Variants in PCBP2 observed in about 807,000 individuals in gnomAD.
PCBP2 encodes poly(rC)-binding protein 2.
PCBP2 carries 4 observed loss-of-function variants against 50.1 expected under a neutral mutation model. The ratio of observed to expected loss-of-function variants is 0.08; its 90% CI spans 0.04 to 0.18. The LOEUF is 0.18. Among genes scored for constraint, PCBP2 ranks in the 10% least tolerant of loss-of-function variants. The pLI is 1.00. For synonymous variants in PCBP2, 179 were observed against 168.0 expected, an observed-to-expected ratio of 1.07 and a Z score of -0.51; for missense variants, 161 against 474.3, an observed-to-expected ratio of 0.34 and a Z score of 6.14.
At chr12:53,467,169 G>A in intron 10 of PCBP2, 52 bp from the exon 11 acceptor site, 1 of 1,413,404 alleles carries the variant, frequency 7.1e-7, no homozygotes, top group African/African-American at 1.4e-5. Flanking sequence ...ATGTGCTTGA[G>A]CCCTGGCTCT....
chr12:53,470,378 CAAAAAAAAAAAAAA>C, intron 13 of PCBP2, among the ~76,000 whole-genome samples: 1 of 47,366 alleles, frequency 2.1e-5, no homozygotes, highest in African/African-American at 1.0e-4. Context: ...CTCCGTCTCT[CAAAAAAAAAAAAAA>C]AAAAAAAAAA....
intron 1 of PCBP2, among the ~76,000 whole-genome samples, chr12:53,452,656 GGTGGATTTGTTGGTT>G (rs2137004318): frequency 6.6e-6 from 1 of 151,786 alleles, no homozygotes; most frequent in Non-Finnish European, 1.5e-5. Flanking sequence ...GGGGGGCGGC[GGTGGATTTGTTGGTT>G]GTGGGGGGTT....
intron 8 of PCBP2, among the ~76,000 whole-genome samples, chr12:53,462,869 A>T (rs149532684): frequency 6.6e-6 from 1 of 152,180 alleles, no homozygotes; most frequent in African/African-American, 2.4e-5. Flanking sequence ...TCCATGTTTT[A>T]TGTGTGTGGG....
At chr12:53,454,954 G>A in intron 2 of PCBP2, 85 bp downstream of exon 2, 1 of 1,115,748 alleles carries the variant, frequency 9.0e-7, no homozygotes, top group Non-Finnish European at 1.4e-6. Context: ...GAGCTCATCA[G>A]ATTAGCACTG....
chr12:53,457,120 G>T (rs1440843378), intron 5 of PCBP2, among the ~76,000 whole-genome samples: 3 of 151,982 alleles, frequency 2.0e-5, no homozygotes, highest in Non-Finnish European at 4.4e-5. Flanking sequence ...TGATATACCT[G>T]TAGCTCTCTG....
intron 14 of PCBP2, among the ~76,000 whole-genome samples, chr12:53,477,470 C>A (rs548936431): frequency 1.3e-5 from 2 of 151,920 alleles, no homozygotes; most frequent in South Asian, 4.2e-4. Flanking sequence ...TCAAGACCAT[C>A]CTGGCTAACA....
At chr12:53,455,106 G>A (rs568146284) in intron 2 of PCBP2, among the ~76,000 whole-genome samples, 2 of 152,256 alleles carry the variant, frequency 1.3e-5, no homozygotes, top group South Asian at 4.1e-4. Context: ...TACCTGGATG[G>A]TAAGGTTTTT....
At chr12:53,465,556 T>C (rs1204684211) in intron 9 of PCBP2, among the ~76,000 whole-genome samples, 2 of 152,126 alleles carry the variant, frequency 1.3e-5, no homozygotes, top group Non-Finnish European at 2.9e-5. Context: ...AGGGTTGGGG[T>C]GGTGAGGGAA....
chr12:53,459,441 ATTTG>A, intron 6 of PCBP2, 38 bp downstream of exon 6: 1 of 1,580,354 alleles, frequency 6.3e-7, no homozygotes, highest in Non-Finnish European at 8.6e-7. Flanking sequence ...AATGTTAACT[ATTTG>A]TTCCAAATTG....
At chr12:53,459,469 CTA>C in intron 6 of PCBP2, 66 bp downstream of exon 6, 10 of 1,464,746 alleles carry the variant, frequency 6.8e-6, no homozygotes, top group Non-Finnish European at 9.4e-6. Context: ...CTTTGTATGG[CTA>C]GGAAAAGTTA....
At chr12:53,475,100 A>C (rs1336655962) in intron 14 of PCBP2, 2 of 456,112 alleles carry the variant, frequency 4.4e-6, no homozygotes, top group Non-Finnish European at 8.8e-6. Context: ...TCCTGGCTCT[A>C]AATGTTGTGT....
At chr12:53,452,810 C>T (rs995132220) in intron 1 of PCBP2, 34 of 152,086 alleles carry the variant, frequency 2.2e-4, no homozygotes, top group African/African-American at 5.3e-4. Context: ...AGCGCCCCCC[C>T]CCGACCGAAC....
At chr12:53,465,864 CT>C (rs1433893833) in intron 9 of PCBP2, 67 bp from the exon 10 acceptor site, 11 of 1,285,878 alleles carry the variant, frequency 8.6e-6, no homozygotes, top group Admixed American at 1.7e-5. Flanking sequence ...GTTGAAATGT[CT>C]TTTTCCCCCC....
At chr12:53,476,793 G>T (rs1942612085) in intron 14 of PCBP2, among the ~76,000 whole-genome samples, 1 of 152,206 alleles carries the variant, frequency 6.6e-6, no homozygotes, top group South Asian at 2.1e-4. Context: ...AACCTGTCCA[G>T]TAAGGAGTTT....
chr12:53,462,638 A>G (rs1941525497), intron 8 of PCBP2, 71 bp downstream of exon 8: 3 of 1,227,726 alleles, frequency 2.4e-6, no homozygotes, highest in East Asian at 2.4e-5. Flanking sequence ...TGCCAGCATC[A>G]CACCAAGCCA....
intron 10 of PCBP2, among the ~76,000 whole-genome samples, chr12:53,466,410 A>G (rs553369095): frequency 2.6e-5 from 4 of 152,278 alleles, no homozygotes; most frequent in African/African-American, 4.8e-5. Context: ...ATTTGGAGGG[A>G]TGGGGAAGGG....
At chr12:53,464,979 C>A in intron 9 of PCBP2, 127 bp downstream of exon 9, 1 of 1,191,622 alleles carries the variant, frequency 8.4e-7, no homozygotes, top group Non-Finnish European at 1.1e-6. Flanking sequence ...CCACGGGGAC[C>A]TGGACTGACC....
chr12:53,453,313 A>C (rs1320021802), intron 1 of PCBP2: 3 of 151,718 alleles, frequency 2.0e-5, no homozygotes, highest in Admixed American at 6.6e-5. Context: ...GGTCTTTACC[A>C]CATCTTATTA....
intron 7 of PCBP2, 84 bp downstream of exon 7, chr12:53,461,227 TTAAG>T: frequency 1.4e-6 from 2 of 1,479,720 alleles, no homozygotes; most frequent in Middle Eastern, 1.7e-4. Flanking sequence ...AAGACTAGAA[TTAAG>T]TGAGGCTGTT....
Sources: gnomAD v4.1 joint callset for allele counts (sites outside exome capture counted in the v4.1 genomes callset) on GRCh38, gnomAD v4.1.1 for gene constraint, MANE v1.5 for transcripts, NCBI Gene and HGNC (gene_info 2026-07-23, HGNC 2026-07-21) for gene names.